Variants in ODF2L observed in about 807,000 individuals in gnomAD.
ODF2L encodes the protein protein BCAP.
A neutral mutation model predicts 86.3 loss-of-function variants in ODF2L; 76 were observed. The ratio of observed to expected loss-of-function variants is 0.88; its 90% CI spans 0.73 to 1.07. The LOEUF (loss-of-function observed/expected upper bound fraction) is 1.07, where lower values mean the gene tolerates loss of function less well. ODF2L is among the 50% of genes least tolerant of loss of function. The pLI is 0.00. For missense variants in ODF2L, 748 were observed against 717.4 expected, an observed-to-expected ratio of 1.04 and a Z score of -0.49; for synonymous variants, 241 against 231.3, an observed-to-expected ratio of 1.04 and a Z score of -0.38.
rs759835506 is a variant in ODF2L at position 86,385,531 on chromosome 1, T to G, written c.173A>C (p.Glu58Ala). 1.1e-5 allele frequency: 17 copies of G among 1,607,980 alleles called. No homozygotes were observed. In the Admixed American group the frequency reaches 2.7e-4, roughly 25 times the overall value. ...CAATTCTACAGAATGAGTTACCAAC[T>G]CCGCTTCCTTAAGTGTTGCTTCCAA... Residue 58 changes from glutamate to alanine, a missense_variant, in exon 3 of 18, where the codon GAG (glutamate) becomes GCG (alanine). Glu to Ala is a moderately radical substitution (Grantham distance 107). Transcript: ENST00000317336.
chr1:86,368,622 G>A (rs1396708870), intron 11 of ODF2L: 5 of 1,398,304 alleles, frequency 3.6e-6, no homozygotes, highest in East Asian at 2.8e-5. Context: ...ATGGCAGTAT[G>A]AGTAATAAAA....
intron 11 of ODF2L, among the ~76,000 whole-genome samples, chr1:86,361,429 AC>A (rs1293492090): frequency 3.3e-5 from 5 of 152,224 alleles, no homozygotes; most frequent in African/African-American, 1.2e-4. Context: ...AGACACGGTT[AC>A]CATATTCCAA....
chr1:86,391,227 T>C (rs1661303241), intron 1 of ODF2L, among the ~76,000 whole-genome samples: 1 of 152,146 alleles, frequency 6.6e-6, no homozygotes, highest in African/African-American at 2.4e-5. Context: ...TGTTCATGGA[T>C]GGGTCAAATC....
intron 16 of ODF2L, among the ~76,000 whole-genome samples, 160 bp downstream of exon 15, chr1:86,354,370 C>G (rs1261209296): frequency 6.6e-6 from 1 of 152,158 alleles, no homozygotes; most frequent in Non-Finnish European, 1.5e-5. Flanking sequence ...AGCAATGTAT[C>G]TGTTTTGCTT....
In ODF2L at chr1:86,383,021, A is replaced by C; in HGVS notation, c.436-19T>G. On this transcript the variant is annotated intron_variant, in intron 5 of 17. Coordinates refer to ENST00000317336, the Ensembl canonical transcript of ODF2L. The stretch of plus-strand genomic sequence containing the variant: ...TAAGATTCTTGAGCAAATATAAAAT[A>C]AGAATTAGGAATTTCACAACTTGGA... 1 of 1,391,014 alleles carries C rather than the reference A, an allele frequency of 7.2e-7. No homozygotes were observed. Among genetic ancestry groups the C allele is most frequent in the Non-Finnish European group, 1.0e-6 (1 of 981,168 alleles). The allele number at this position is 1,391,014 out of a possible 1,614,324, so 86.2% of individuals were successfully genotyped here. A position where few individuals can be genotyped will look rare whatever the true frequency, so the allele number is the denominator to read the frequency against.
exon 8 of ODF2L, chr1:86,376,399 G>C (rs763232126): frequency 3.1e-6 from 5 of 1,591,360 alleles, no homozygotes; most frequent in Admixed American, 3.6e-5. Context: ...GTTCCACTTG[G>C]CTATCTTGGT....
Position 86,383,030 on chromosome 1 carries a change from G to A in ODF2L, c.436-28C>T, listed in dbSNP as rs772954677. Reference sequence around the variant, plus strand: ...TGAGCAAATATAAAATAAGAATTAGGAATTTCACAACTTGGATAATATTGG... The same window carrying A: ...TGAGCAAATATAAAATAAGAATTAGAAATTTCACAACTTGGATAATATTGG... On this transcript the variant is annotated intron_variant, in intron 5 of 17. Coordinates refer to ENST00000317336, the Ensembl canonical transcript of ODF2L. 5 of 1,358,636 alleles carry A rather than the reference G, an allele frequency of 3.7e-6. 1 individual carries two copies. The African/African-American group carries it at 4.3e-5, about 12-fold the overall frequency. The allele number at this position is 1,358,636 out of a possible 1,614,324, so 84.2% of individuals were successfully genotyped here.
chr1:86,358,819 T>C (rs1658789374), exon 13 of ODF2L: 1 of 1,525,182 alleles, frequency 6.6e-7, no homozygotes. Context: ...GTTTTTGTTA[T>C]TTGGTTATTT....
At chr1:86,380,156 T>A (rs552626429) in intron 7 of ODF2L, among the ~76,000 whole-genome samples, 98 of 152,284 alleles carry the variant, frequency 6.4e-4, no homozygotes, top group African/African-American at 2.3e-3. Context: ...TTTTAAAAAT[T>A]GCAAAGGAGT....
rs66716003 is a variant in ODF2L at position 86,389,564 on chromosome 1, G to GAA, written c.-59-2480_-59-2479dup. On this transcript the variant is annotated intron_variant, in intron 1 of 17. Coordinates refer to ENST00000317336, the Ensembl canonical transcript of ODF2L. ...GATCAGAGCAGAACAAAATGAAACT[G>GAA]AAAAAAAAAAAAAATACAAAAGATA... 3.2e-3 allele frequency among the ~76,000 whole-genome samples: 390 copies of GAA among 122,004 alleles called. 2 individuals carry two copies. The highest frequency in any genetic ancestry group is 9.3e-3 in the African/African-American group (307 of 32,906). 80.0% of individuals were successfully genotyped at this position (122,004 alleles called of 152,430 possible).
At chr1:86,381,393 T>C (rs907886424) in intron 7 of ODF2L, among the ~76,000 whole-genome samples, 3 of 152,032 alleles carry the variant, frequency 2.0e-5, no homozygotes, top group Non-Finnish European at 4.4e-5. Context: ...CATACAAAAT[T>C]TATTATCCCC....
chr1:86,392,410 T>A (rs188732658), intron 1 of ODF2L, among the ~76,000 whole-genome samples: 24 of 151,910 alleles, frequency 1.6e-4, no homozygotes, highest in Admixed American at 1.4e-3. Context: ...ACAATGTCCA[T>A]CAAACAATGA....
intron 2 of ODF2L, chr1:86,386,315 TTTTCA>T (rs1489639317): frequency 6.6e-6 from 1 of 152,212 alleles, no homozygotes; most frequent in Non-Finnish European, 1.5e-5. Context: ...ACATATTATA[TTTTCA>T]TTTATCTTAA....
At chr1:86,364,916 A>G (rs1200238289) in intron 11 of ODF2L, among the ~76,000 whole-genome samples, 2 of 152,220 alleles carry the variant, frequency 1.3e-5, no homozygotes, top group African/African-American at 4.8e-5. Flanking sequence ...GTGAAGTTGA[A>G]TCTTAACTAA....
intron 4 of ODF2L, among the ~76,000 whole-genome samples, chr1:86,384,340 T>C (rs934089693): frequency 2.6e-5 from 4 of 151,828 alleles, no homozygotes; most frequent in Admixed American, 6.6e-5. Flanking sequence ...ATGTGAATTC[T>C]ATTTCAATAA....
chr1:86,358,750 T>C, intron 13 of ODF2L, 37 bp downstream of exon 12: 1 of 874,282 alleles, frequency 1.1e-6, no homozygotes, highest in South Asian at 2.0e-5. Context: ...AAGTAAAAAA[T>C]ATATAAAATA....
At position 86,352,986 on chromosome 1, in the gene ODF2L, T is replaced by C. The variant is rs767892942; in HGVS notation, c.1768-2A>G. ...CATTTTCTCTATTTCTTCAGCAACC[T>C]GTAATTTTTATCAAAAGAGTAAAAT... is the stretch of plus-strand genomic sequence containing the variant. On this transcript the variant is annotated splice_acceptor_variant, in intron 16 of 17. Transcript: ENST00000317336. LOFTEE classifies it high-confidence loss of function. 4.0e-6 allele frequency: 6 copies of C among 1,501,100 alleles called. No homozygotes were observed. The African/African-American group carries it at 7.0e-5, about 18-fold the overall frequency. 93.0% of individuals were successfully genotyped at this position (1,501,100 alleles called of 1,614,324 possible).
intron 1 of ODF2L, among the ~76,000 whole-genome samples, chr1:86,395,065 G>T (rs1661630137): frequency 6.6e-6 from 1 of 151,912 alleles, no homozygotes; most frequent in South Asian, 2.1e-4. Flanking sequence ...GGATGGTCTC[G>T]ATCTCCTAAC....
At chr1:86,350,124 T>C (rs1161893706) in exon 18 of ODF2L, 1 of 264,344 alleles carries the variant, frequency 3.8e-6, no homozygotes, top group Non-Finnish European at 5.9e-6. Flanking sequence ...ATTTTTATTA[T>C]ACTTTAAGTT....
Sources: allele counts gnomAD v4.1 joint callset (sites outside exome capture counted in the v4.1 genomes callset), GRCh38; gene constraint gnomAD v4.1.1; transcripts MANE v1.5; gene names NCBI Gene and HGNC (gene_info 2026-07-23, HGNC 2026-07-21).